RUFY3: variants seen among roughly 807,000 people sequenced by gnomAD.
RUFY3 encodes the protein protein RUFY3.
Under a neutral mutation model 84.0 loss-of-function variants are expected in RUFY3, and 34 were observed. The ratio of observed to expected loss-of-function variants is 0.40; its 90% CI spans 0.31 to 0.54. The LOEUF is 0.54. Among genes scored for constraint, RUFY3 ranks in the 20% least tolerant of loss-of-function variants. The pLI is 0.39. For synonymous variants in RUFY3, 242 were observed against 252.9 expected, an observed-to-expected ratio of 0.96 and a Z score of 0.41; for missense variants, 507 against 736.8, an observed-to-expected ratio of 0.69 and a Z score of 3.61.
At chr4:70,779,899 A>G (rs1242474479) in intron 8 of RUFY3, among the ~76,000 whole-genome samples, 1 of 152,140 alleles carries the variant, frequency 6.6e-6, no homozygotes, top group Non-Finnish European at 1.5e-5. Context: ...AATTGTAATG[A>G]TGCCCTTACA....
chr4:70,746,921 A>G (rs558010037), intron 1 of RUFY3, among the ~76,000 whole-genome samples: 1 of 152,204 alleles, frequency 6.6e-6, no homozygotes, highest in Non-Finnish European at 1.5e-5. Context: ...AGATGTGGGC[A>G]TGGCTATAAA....
chr4:70,799,892 C>G (rs969327774), intron 14 of RUFY3: 28 of 402,464 alleles, frequency 7.0e-5, no homozygotes, highest in Non-Finnish European at 1.1e-4. Context: ...AGAATACATT[C>G]TGAATTTTAT....
At chr4:70,754,326 T>C (rs1723630584) in intron 1 of RUFY3, among the ~76,000 whole-genome samples, 1 of 152,188 alleles carries the variant, frequency 6.6e-6, no homozygotes, top group Non-Finnish European at 1.5e-5. Context: ...GTGCTGGGAT[T>C]ACAGGTGTGA....
At chr4:70,764,010 T>C (rs1470741148) in intron 3 of RUFY3, among the ~76,000 whole-genome samples, 1 of 152,196 alleles carries the variant, frequency 6.6e-6, no homozygotes. Flanking sequence ...GAGTCAAGAT[T>C]AAAACAGCTG....
chr4:70,806,287 GTTTTTA>G (rs1273306417), intron 17 of RUFY3, among the ~76,000 whole-genome samples: 1 of 152,152 alleles, frequency 6.6e-6, no homozygotes, highest in Non-Finnish European at 1.5e-5. Flanking sequence ...TATGTTACCT[GTTTTTA>G]TTTTTAACTC....
At chr4:70,705,174 C>T (rs772385153) in exon 1 of RUFY3, 5 of 1,460,530 alleles carry the variant, frequency 3.4e-6, no homozygotes, top group East Asian at 3.0e-5. Flanking sequence ...CTTCGGAGTG[C>T]GCCCGCCGCC....
In RUFY3 at chr4:70,732,315, G is replaced by A. The variant is rs565479374; in HGVS notation, c.178+9564G>A. On this transcript the variant is annotated intron_variant, in intron 1 of 17. Coordinates refer to ENST00000381006, the MANE Select transcript of RUFY3 (RefSeq NM_001037442.4). ...CTTCAGGGCAAACCTTTTCTTTGGCGTTCTTCAGAAGGCCCCATGGTACTG... is the reference window on the plus strand; with the variant it reads ...CTTCAGGGCAAACCTTTTCTTTGGCATTCTTCAGAAGGCCCCATGGTACTG... Among the ~76,000 whole-genome samples the A allele has an allele frequency of 2.0e-5, 3 of 152,210 alleles. No homozygotes were observed. In the East Asian group the frequency reaches 5.8e-4, roughly 29 times the overall value.
At chr4:70,733,140 GAGAGA>G (rs1719702439) in intron 1 of RUFY3, among the ~76,000 whole-genome samples, 1 of 88,338 alleles carries the variant, frequency 1.1e-5, no homozygotes, top group Non-Finnish European at 2.1e-5. Context: ...GAGGGAGGGA[GAGAGA>G]GAGAGAGAGA....
intron 1 of RUFY3, among the ~76,000 whole-genome samples, chr4:70,757,928 T>G (rs767572200): frequency 6.6e-6 from 1 of 152,250 alleles, no homozygotes; most frequent in Non-Finnish European, 1.5e-5. Context: ...CATTTTAAAA[T>G]TTTAAATCAT....
chr4:70,705,789 G>GCGC (rs1011689642), intron 1 of RUFY3, among the ~76,000 whole-genome samples: 6 of 152,142 alleles, frequency 3.9e-5, no homozygotes, highest in East Asian at 1.9e-4. Flanking sequence ...TGTGGCTGCT[G>GCGC]CGCCGCCGCC....
intron 6 of RUFY3, 98 bp from the exon 7 acceptor site, chr4:70,775,070 T>C: frequency 1.3e-6 from 1 of 796,814 alleles, no homozygotes; most frequent in Non-Finnish European, 2.0e-6. Flanking sequence ...CCACAATTTT[T>C]TTCTCATGTT....
chr4:70,799,166 AAAG>A (rs1731920106), intron 14 of RUFY3, among the ~76,000 whole-genome samples: 2 of 151,732 alleles, frequency 1.3e-5, no homozygotes, highest in Non-Finnish European at 2.9e-5. Context: ...AAAAAAGAGA[AAAG>A]AAAAAAGAAA....
chr4:70,779,977 A>G (rs897560253), intron 8 of RUFY3, among the ~76,000 whole-genome samples: 3 of 152,202 alleles, frequency 2.0e-5, no homozygotes, highest in Admixed American at 6.5e-5. Context: ...GCTTTTAATC[A>G]GTTTTTCTTT....
intron 12 of RUFY3, chr4:70,793,030 C>T (rs908022179): frequency 1.0e-6 from 1 of 985,120 alleles, no homozygotes; most frequent in African/African-American, 1.7e-5. Flanking sequence ...ATATAAAGCC[C>T]CAAGTGCTTT....
intron 1 of RUFY3, among the ~76,000 whole-genome samples, chr4:70,761,033 C>T (rs1010771658): frequency 8.5e-5 from 13 of 152,270 alleles, no homozygotes; most frequent in African/African-American, 3.1e-4. Flanking sequence ...ATTAAACAGT[C>T]TGTTTTTTGC....
At chr4:70,769,629 A>G (rs1249167655) in intron 5 of RUFY3, among the ~76,000 whole-genome samples, 1 of 152,182 alleles carries the variant, frequency 6.6e-6, no homozygotes, top group African/African-American at 2.4e-5. Context: ...CTTCCTTTAC[A>G]AAAGATTTCT....
chr4:70,806,703 T>TC lies in RUFY3; in HGVS notation c.*45dup, dbSNP rs1391246633. ...GGACCAAAACGTTTATGCAGGCTCC[T>TC]CTGTACCTGTGTTTTAGCTGTCAGG... On this transcript the variant is annotated 3_prime_UTR_variant, in exon 18 of 18. Transcript: ENST00000381006. The TC allele has an allele frequency of 6.2e-7, 1 of 1,608,862 alleles. No homozygotes were observed. The highest frequency in any genetic ancestry group is 1.3e-5 in the African/African-American group (1 of 74,892).
In RUFY3 at chr4:70,793,908, A is replaced by C; in HGVS notation, c.1457+4A>C. 1 of 1,613,760 alleles carries C rather than the reference A, an allele frequency of 6.2e-7. No homozygotes were observed. Among genetic ancestry groups the C allele is most frequent in the Non-Finnish European group, 8.5e-7 (1 of 1,179,902 alleles). ...TCGAGGAGCTCACCAGGCAGCGGTG[A>C]AGAGGGGGTAGCTTGAGCTGACAGG... On this transcript the variant is annotated splice_donor_region_variant and intron_variant, in intron 13 of 17. Transcript: ENST00000381006.
rs185734752 is a variant in RUFY3, at chr4:70,769,655, C to G, written c.696+994C>G. On this transcript the variant is annotated intron_variant, in intron 5 of 17. Coordinates refer to ENST00000381006, the MANE Select transcript of RUFY3 (RefSeq NM_001037442.4). ...AAAGATTTCTCTGTAGCATACCACG[C>G]TGTTTGACAGCATTTTACCCACAGT... 5.6e-4 allele frequency among the ~76,000 whole-genome samples: 86 copies of G among 152,322 alleles called. 1 individual carries two copies. Among genetic ancestry groups the G allele is most frequent in the African/African-American group, 2.0e-3 (82 of 41,578 alleles).
Sources: allele counts gnomAD v4.1 joint callset (sites outside exome capture counted in the v4.1 genomes callset), GRCh38; gene constraint gnomAD v4.1.1; transcripts MANE v1.5; gene names NCBI Gene and HGNC (gene_info 2026-07-23, HGNC 2026-07-21).